Variants in PPP2R2B observed in about 807,000 individuals in gnomAD.
PPP2R2B encodes the protein serine/threonine-protein phosphatase 2A 55 kDa regulatory subunit B beta isoform.
Under a neutral mutation model 46.0 loss-of-function variants are expected in PPP2R2B, and 5 were observed. That is an observed-to-expected ratio of 0.11 (90% CI 0.06 to 0.23). PPP2R2B has a LOEUF of 0.23. Among genes scored for constraint, PPP2R2B ranks in the 10% least tolerant of loss-of-function variants. PPP2R2B has a pLI of 1.00. For missense variants in PPP2R2B, 367 were observed against 575.0 expected, an observed-to-expected ratio of 0.64 and a Z score of 3.70; for synonymous variants, 215 against 206.7, an observed-to-expected ratio of 1.04 and a Z score of -0.34.
At chr5:146,599,169 T>C (rs1186930285) in intron 8 of PPP2R2B, among the ~76,000 whole-genome samples, 1 of 152,196 alleles carries the variant, frequency 6.6e-6, no homozygotes, top group Non-Finnish European at 1.5e-5. Context: ...CTGGTCTTCC[T>C]CTTTCAACAA....
upstream of PPP2R2B, chr5:146,879,032 G>T (rs1267448924): frequency 1.4e-6 from 1 of 698,692 alleles, no homozygotes. Flanking sequence ...AGAGCCCCTA[G>T]CTCCCTGCCT....
At chr5:146,685,386 G>A (rs1158070932) in intron 5 of PPP2R2B, among the ~76,000 whole-genome samples, 2 of 152,240 alleles carry the variant, frequency 1.3e-5, no homozygotes, top group Non-Finnish European at 2.9e-5. Flanking sequence ...TCAAACAACT[G>A]CGCCCCAAGC....
intron 1 of PPP2R2B, among the ~76,000 whole-genome samples, chr5:146,888,966 G>A (rs116109390): frequency 3.3e-3 from 495 of 152,224 alleles, no homozygotes; most frequent in Non-Finnish European, 4.8e-3. Flanking sequence ...ATTGCAACTA[G>A]ACTGTATATA....
intron 8 of PPP2R2B, among the ~76,000 whole-genome samples, chr5:146,599,038 T>A (rs1771517279): frequency 6.6e-6 from 1 of 152,140 alleles, no homozygotes; most frequent in Non-Finnish European, 1.5e-5. Flanking sequence ...CCCACTTCTT[T>A]TTATCTAACC....
chr5:146,593,815 C>T (rs976779681), intron 8 of PPP2R2B, among the ~76,000 whole-genome samples: 8 of 152,228 alleles, frequency 5.3e-5, no homozygotes, highest in African/African-American at 1.9e-4. Flanking sequence ...TACATAGGCC[C>T]TTTATTCTGA....
At chr5:146,952,613 T>C (rs1056448433) in intron 1 of PPP2R2B, among the ~76,000 whole-genome samples, 4 of 152,152 alleles carry the variant, frequency 2.6e-5, no homozygotes, top group South Asian at 4.1e-4. Flanking sequence ...GAACTACCTA[T>C]GTTCTGCCAA....
rs531695576 is a variant in PPP2R2B at position 146,878,053 on chromosome 5, T to A, written c.19A>T (p.Thr7Ser). 1 of 1,613,954 alleles carries A rather than the reference T, an allele frequency of 6.2e-7. No individual in the cohort carries two copies. Among genetic ancestry groups the A allele is most frequent in the Non-Finnish European group, 8.5e-7 (1 of 1,180,008 alleles). The stretch of plus-strand genomic sequence containing the variant: ...AGGAAACTGTTGTTGATTTTGCGGG[T>A]ATCAATGTCCTCCTCCATTGACAGC... MEEDIDTRKINNSFLRD... is the reference protein window; with the variant it reads MEEDIDSRKINNSFLRD... The change falls in exon 2 of 10, where the codon ACC (threonine) becomes TCC (serine). Residue 7 changes from threonine to serine, a missense_variant. Physicochemically the swap from Thr to Ser is moderately conservative, Grantham distance 58. Coordinates refer to ENST00000394411, the MANE Select transcript of PPP2R2B (RefSeq NM_181675.4). The surrounding 1 kb of genome is among the most constrained non-coding windows in gnomAD (Gnocchi z 4.5).
At chr5:146,697,386 T>A (rs1779235963) in intron 4 of PPP2R2B, among the ~76,000 whole-genome samples, 1 of 152,168 alleles carries the variant, frequency 6.6e-6, no homozygotes, top group Admixed American at 6.5e-5. Flanking sequence ...GTACCCAACA[T>A]CCTCTCTCTC....
At chr5:146,950,094 T>TA (rs1429288795) in intron 1 of PPP2R2B, among the ~76,000 whole-genome samples, 15 of 152,044 alleles carry the variant, frequency 9.9e-5, no homozygotes, top group Non-Finnish European at 1.6e-4. Context: ...TATTGTACTT[T>TA]AAAAAATAGC....
intron 1 of PPP2R2B, among the ~76,000 whole-genome samples, chr5:146,885,351 A>G (rs1311698934): frequency 1.3e-5 from 2 of 152,164 alleles, no homozygotes; most frequent in African/African-American, 4.8e-5. Flanking sequence ...GTGTGTGTCT[A>G]TTGCAGTGGG....
intron 1 of PPP2R2B, among the ~76,000 whole-genome samples, chr5:146,959,143 T>C (rs1372302612): frequency 6.6e-6 from 1 of 152,218 alleles, no homozygotes; most frequent in Non-Finnish European, 1.5e-5. Context: ...AGTAGAAACC[T>C]GGAAATTCTA....
At chr5:147,044,830 C>T (rs900991796) in intron 1 of PPP2R2B, among the ~76,000 whole-genome samples, 2 of 152,142 alleles carry the variant, frequency 1.3e-5, no homozygotes, top group Admixed American at 6.6e-5. Flanking sequence ...GACACAGCAG[C>T]TATATCTTGC....
intron 1 of PPP2R2B, among the ~76,000 whole-genome samples, chr5:146,917,356 T>C (rs1435039212): frequency 6.6e-6 from 1 of 152,200 alleles, no homozygotes; most frequent in Non-Finnish European, 1.5e-5. Context: ...CCTTGCTATA[T>C]ACCCTCCTCG....
intron 2 of PPP2R2B, among the ~76,000 whole-genome samples, chr5:146,874,514 G>A (rs1434386473): frequency 6.6e-6 from 1 of 152,218 alleles, no homozygotes; most frequent in South Asian, 2.1e-4. Context: ...GGCATATCCC[G>A]AGTGCTTGAG....
chr5:147,012,846 T>C (rs1170982186), intron 1 of PPP2R2B, among the ~76,000 whole-genome samples: 25 of 152,088 alleles, frequency 1.6e-4, no homozygotes, highest in Non-Finnish European at 2.1e-4. Context: ...TACCCAGTAG[T>C]CATTCAGGAG....
intron 6 of PPP2R2B, among the ~76,000 whole-genome samples, chr5:146,640,637 CT>C (rs1490384030): frequency 6.6e-6 from 1 of 152,210 alleles, no homozygotes; most frequent in African/African-American, 2.4e-5. Flanking sequence ...CTGGTGTCAG[CT>C]TTCTCAACCT....
At chr5:146,680,862 T>G (rs1778124594) in intron 5 of PPP2R2B, among the ~76,000 whole-genome samples, 1 of 152,192 alleles carries the variant, frequency 6.6e-6, no homozygotes, top group South Asian at 2.1e-4. Flanking sequence ...TAAACCATTC[T>G]AAGGAAACCA....
Position 146,698,003 on chromosome 5 carries a change from C to T in PPP2R2B, c.310G>A (p.Ala104Thr). 2 of 1,612,334 alleles carry T rather than the reference C, an allele frequency of 1.2e-6. No homozygotes were observed. Among genetic ancestry groups the T allele is most frequent in the South Asian group, 1.1e-5 (1 of 90,790 alleles). ...KIRWLPQQNA[A>T]YFLLSTNDKT... ...CCATTAGTAGACAGAAGAAAGTAAG[C>T]TGCATTCTGCTGGGGGAGCCATCTT... Residue 104 changes from alanine (A) to threonine (T), a missense_variant, in exon 4 of 10, where the codon GCT becomes ACT. Ala to Thr is a moderately conservative substitution (Grantham distance 58). Transcript: ENST00000394411.
chr5:146,633,087 G>A (rs1442958373), intron 7 of PPP2R2B, among the ~76,000 whole-genome samples: 1 of 152,098 alleles, frequency 6.6e-6, no homozygotes, highest in African/African-American at 2.4e-5. Context: ...GCACCCTATT[G>A]TTTCAGACAT....
Sources: gnomAD v4.1 joint callset for allele counts (sites outside exome capture counted in the v4.1 genomes callset) on GRCh38, gnomAD v4.1.1 for gene constraint, Gnocchi (gnomAD v3.1) non-coding constraint, MANE v1.5 for transcripts, NCBI Gene and HGNC (gene_info 2026-07-23, HGNC 2026-07-21) for gene names.